Variants in C4orf50 observed in about 807,000 individuals in gnomAD.
C4orf50 encodes chromosome 4 open reading frame 50.
C4orf50 carries 80 observed loss-of-function variants against 77.2 expected under a neutral mutation model. The observed-to-expected ratio is 1.04, with a 90% CI of 0.87 to 1.25. C4orf50 has a LOEUF of 1.25. C4orf50 is among the 50% of genes most tolerant of loss of function. The pLI is 0.00. For missense variants in C4orf50, 1,257 were observed against 1,152.9 expected (o/e 1.09, Z -1.31); for synonymous variants, 532 against 465.3 (o/e 1.14, Z -1.84).
chr4:5,990,733 C>G (rs73069587), exon 28 of C4orf50: 76,536 of 398,912 alleles, frequency 0.19, 8,378 homozygotes, highest in African/African-American at 0.3. Context: ...CAGGTCCATG[C>G]GGAGGAGTGA....
At chr4:5,976,342 G>A (rs968436126) in intron 29 of C4orf50, among the ~76,000 whole-genome samples, 5 of 151,672 alleles carry the variant, frequency 3.3e-5, no homozygotes, top group African/African-American at 1.2e-4. Context: ...TGTAGTCCCA[G>A]CTACTCAGGA....
chr4:5,990,470 G>C (rs1721202292), exon 28 of C4orf50: 3 of 400,028 alleles, frequency 7.5e-6, no homozygotes, highest in Non-Finnish European at 1.3e-5. Context: ...GGGGCCTCGT[G>C]GAAGAGGGAG....
rs1391993696 is a variant in C4orf50 at position 5,908,528 on chromosome 4, G to A, written c.*2475-10340C>T. ...GTGGAGGAAGCAAATGTGTGAAGCAGACAATGGCAGAGACTCCAAGCAGGG... is the reference window on the plus strand; with the variant it reads ...GTGGAGGAAGCAAATGTGTGAAGCAAACAATGGCAGAGACTCCAAGCAGGG... On this transcript the variant is annotated intron_variant, in intron 7 of 7. Coordinates refer to the C4orf50 transcript ENST00000324058. The surrounding 1 kb of genome is among the most constrained non-coding windows in gnomAD (Gnocchi z 5.6). 6.6e-6 allele frequency among the ~76,000 whole-genome samples: 1 copy of A among 152,086 alleles called. No homozygotes were observed. Among genetic ancestry groups the A allele is most frequent in the Non-Finnish European group, 1.5e-5 (1 of 68,034 alleles).
At chr4:5,953,583 T>C (rs1182337481), downstream of C4orf50, among the ~76,000 whole-genome samples, 1 of 152,180 alleles carries the variant, frequency 6.6e-6, no homozygotes, top group Non-Finnish European at 1.5e-5. Context: ...GAGAGCACTG[T>C]CCCATCATCC....
chr4:5,997,322 G>A (rs140516929), intron 25 of C4orf50, among the ~76,000 whole-genome samples: 7 of 152,280 alleles, frequency 4.6e-5, no homozygotes, highest in East Asian at 3.9e-4. Flanking sequence ...CTGGTGACAC[G>A]GCCACGTATA....
At chr4:5,960,424 A>G (rs1719209682) in intron 33 of C4orf50, among the ~76,000 whole-genome samples, 1 of 152,214 alleles carries the variant, frequency 6.6e-6, no homozygotes. Context: ...GATGAGCAGA[A>G]TGGAGCCGAC....
At chr4:5,959,741 A>C in intron 33 of C4orf50, 115 bp from the exon 12 acceptor site, 1 of 1,292,332 alleles carries the variant, frequency 7.7e-7, no homozygotes, top group African/African-American at 1.5e-5. Context: ...GTTTCGGGGC[A>C]CTTTCTGTGC....
Position 5,920,241 on chromosome 4 carries a change from C to T in C4orf50, c.*2475-22053G>A, listed in dbSNP as rs376621411. 4.3e-4 allele frequency among the ~76,000 whole-genome samples: 66 copies of T among 152,276 alleles called. 1 individual carries two copies. The highest frequency in any genetic ancestry group is 4.3e-3 in the East Asian group (22 of 5,166). On this transcript the variant is annotated intron_variant, in intron 7 of 7. Transcript: ENST00000324058. Reference sequence around the variant, plus strand: ...GCAATTGGGAGCTCAGGCTCTGGAACGAGACTGCCAGGTTCAAATCCCACC... The same window carrying T: ...GCAATTGGGAGCTCAGGCTCTGGAATGAGACTGCCAGGTTCAAATCCCACC...
chr4:5,930,002 T>G (rs964999106), intron 7 of C4orf50, among the ~76,000 whole-genome samples: 1 of 152,238 alleles, frequency 6.6e-6, no homozygotes, highest in Admixed American at 6.5e-5. Context: ...GTATTTGGCC[T>G]TTAAATTGTG....
intron 32 of C4orf50, 114 bp downstream of exon 10, chr4:5,967,300 A>G: frequency 1.2e-6 from 1 of 824,450 alleles, no homozygotes; most frequent in East Asian, 2.4e-5. Context: ...TGTTCCTTTT[A>G]GTAGCATGAA....
chr4:5,946,556 G>C (rs556584721), intron 7 of C4orf50, among the ~76,000 whole-genome samples: 1 of 152,298 alleles, frequency 6.6e-6, no homozygotes, highest in Non-Finnish European at 1.5e-5. Flanking sequence ...CATGCTCACA[G>C]GCATGTCCCA....
At chr4:5,994,353 G>T (rs1400676493) in exon 26 of C4orf50, 2 of 399,160 alleles carry the variant, frequency 5.0e-6, no homozygotes, top group East Asian at 3.6e-5. Flanking sequence ...GCACCTGCTG[G>T]GGCCCTTTGT....
intron 32 of C4orf50, among the ~76,000 whole-genome samples, chr4:5,965,534 C>T (rs774465582): frequency 6.6e-6 from 1 of 152,234 alleles, no homozygotes; most frequent in Non-Finnish European, 1.5e-5. Flanking sequence ...ATAACTCAAT[C>T]GGTCTAGCGC....
At chr4:6,016,249 TG>T (rs1250626277) in intron 23 of C4orf50, among the ~76,000 whole-genome samples, 1 of 152,180 alleles carries the variant, frequency 6.6e-6, no homozygotes, top group African/African-American at 2.4e-5. Context: ...AATTAGCCTA[TG>T]GTCAAATTAG....
intron 7 of C4orf50, among the ~76,000 whole-genome samples, chr4:5,907,823 G>T (rs1412239701): frequency 2.0e-5 from 3 of 152,196 alleles, no homozygotes; most frequent in Non-Finnish European, 2.9e-5. Flanking sequence ...AGGCCCTAAA[G>T]TGGGGTCAAG....
chr4:5,959,209 T>A, exon 34 of C4orf50: 2 of 789,774 alleles, frequency 2.5e-6, no homozygotes, highest in Non-Finnish European at 4.0e-6. Context: ...GGCCAGCGTT[T>A]CTCTCAAGCT....
rs141074759 is a variant in C4orf50 at position 5,923,666 on chromosome 4, T to G, written c.*2475-25478A>C. Among the ~76,000 whole-genome samples the G allele has an allele frequency of 3.0e-3, 457 of 152,320 alleles. 2 individuals are homozygous for G. Among genetic ancestry groups the G allele is most frequent in the African/African-American group, 0.01 (434 of 41,574 alleles). ...ATGTGGGAGGCTGTGTGGTCACTCCTAACCCAGCCCCTCCCACAAATTTCC... is the reference window on the plus strand; with the variant it reads ...ATGTGGGAGGCTGTGTGGTCACTCCGAACCCAGCCCCTCCCACAAATTTCC... On this transcript the variant is annotated intron_variant, in intron 7 of 7. Coordinates refer to the C4orf50 transcript ENST00000324058.
intron 28 of C4orf50, among the ~76,000 whole-genome samples, chr4:5,987,378 T>C (rs1487608426): frequency 1.8e-5 from 2 of 111,454 alleles, no homozygotes; most frequent in African/African-American, 7.2e-5. Context: ...ACCACTGCAC[T>C]CCAGCCTGGG....
chr4:6,003,655 GGTGATGATGGTGATGGTGATGATA>G (rs1460298566), intron 25 of C4orf50, among the ~76,000 whole-genome samples: 1 of 128,292 alleles, frequency 7.8e-6, no homozygotes, highest in Non-Finnish European at 1.6e-5. Context: ...TAGTGATGAT[GGTGATGATGGTGATGGTGATGATA>G]GTGATGATGG....
Sources: gnomAD v4.1 joint callset for allele counts (sites outside exome capture counted in the v4.1 genomes callset) on GRCh38, gnomAD v4.1.1 for gene constraint, Gnocchi (gnomAD v3.1) non-coding constraint, MANE v1.5 for transcripts, NCBI Gene and HGNC (gene_info 2026-07-23, HGNC 2026-07-21) for gene names.